The following SHISA9 variants were observed in gnomAD, a reference collection of about 807,000 sequenced individuals.
SHISA9 encodes the protein shisa family member 9, also known as protein shisa-9.
Under a neutral mutation model 38.0 loss-of-function variants are expected in SHISA9, and 13 were observed. The ratio of observed to expected loss-of-function variants is 0.34; its 90% CI spans 0.22 to 0.54. The LOEUF (loss-of-function observed/expected upper bound fraction) is 0.54. Among genes scored for constraint, SHISA9 ranks in the 20% least tolerant of loss-of-function variants. The pLI is 0.91. For synonymous variants in SHISA9, 275 were observed against 242.0 expected (o/e 1.14, Z -1.27); for missense variants, 538 against 575.8 (o/e 0.93, Z 0.67).
At chr16:13,058,218 T>C (rs1395246075) in intron 2 of SHISA9, among the ~76,000 whole-genome samples, 1 of 152,176 alleles carries the variant, frequency 6.6e-6, no homozygotes, top group African/African-American at 2.4e-5. Context: ...GGCTTGCTTA[T>C]TGCCTGGTCA....
intron 2 of SHISA9, among the ~76,000 whole-genome samples, chr16:13,113,786 C>G (rs2074002842): frequency 6.6e-6 from 1 of 152,234 alleles, no homozygotes; most frequent in African/African-American, 2.4e-5. Context: ...ACAATAGAAA[C>G]TAGAAAAAGG....
intron 4 of SHISA9, among the ~76,000 whole-genome samples, chr16:13,233,874 A>G (rs2051355677): frequency 6.6e-6 from 1 of 152,206 alleles, no homozygotes; most frequent in African/African-American, 2.4e-5. Flanking sequence ...AAATTAGCCT[A>G]GTGTGGTGAT....
At chr16:13,406,376 C>G in the SHISA9 span, among the ~76,000 whole-genome samples, 2 of 152,240 alleles carry the variant, frequency 1.3e-5, no homozygotes, top group South Asian at 4.1e-4. Context: ...TGGTTCTGAA[C>G]CCAGGTTCAT....
At chr16:13,020,683 G>T (rs2072841489) in intron 2 of SHISA9, among the ~76,000 whole-genome samples, 2 of 152,164 alleles carry the variant, frequency 1.3e-5, no homozygotes, top group South Asian at 4.1e-4. Flanking sequence ...AAGATGTATT[G>T]AGAAGGACCT....
At chr16:13,397,797 C>G in the SHISA9 span, among the ~76,000 whole-genome samples, 10 of 152,174 alleles carry the variant, frequency 6.6e-5, no homozygotes, top group African/African-American at 2.4e-4. Context: ...AATTAGACCC[C>G]TGCTTTATCA....
At chr16:13,078,965 A>G (rs573645232) in intron 2 of SHISA9, among the ~76,000 whole-genome samples, 104 of 152,236 alleles carry the variant, frequency 6.8e-4, no homozygotes, top group Middle Eastern at 3.4e-3. Flanking sequence ...AACAGAATAG[A>G]TAAGAGCTGG....
At chr16:12,990,868 G>C (rs1051192586) in intron 2 of SHISA9, among the ~76,000 whole-genome samples, 2 of 152,160 alleles carry the variant, frequency 1.3e-5, no homozygotes, top group Non-Finnish European at 2.9e-5. Context: ...TTCACCCATA[G>C]CTTTTCTATG....
At chr16:13,265,726 C>A in the SHISA9 span, among the ~76,000 whole-genome samples, 1 of 151,822 alleles carries the variant, frequency 6.6e-6, no homozygotes, top group Non-Finnish European at 1.5e-5. Context: ...GATAATGAAA[C>A]CAATGAGACA....
At chr16:13,108,230 G>T (rs565807608) in intron 2 of SHISA9, among the ~76,000 whole-genome samples, 1 of 151,954 alleles carries the variant, frequency 6.6e-6, no homozygotes, top group South Asian at 2.1e-4. Context: ...CAGGACTCAA[G>T]TGATCCTCCT....
chr16:13,152,777 A>C (rs572417104), intron 2 of SHISA9, among the ~76,000 whole-genome samples: 2 of 152,344 alleles, frequency 1.3e-5, no homozygotes, highest in East Asian at 3.9e-4. Context: ...TGGTAGACAG[A>C]ATAATGGGCC....
the SHISA9 span, among the ~76,000 whole-genome samples, chr16:13,357,506 G>C: frequency 6.6e-6 from 1 of 152,292 alleles, no homozygotes; most frequent in South Asian, 2.1e-4. Flanking sequence ...TTGTCACGGA[G>C]CAAAGAGCAG....
chr16:12,982,112 G>A (rs1230086339), intron 2 of SHISA9, among the ~76,000 whole-genome samples: 1 of 152,170 alleles, frequency 6.6e-6, no homozygotes, highest in East Asian at 1.9e-4. Flanking sequence ...GAAACACTGA[G>A]GTACAGAGAG....
chr16:13,261,262 G>A, the SHISA9 span, among the ~76,000 whole-genome samples: 85,775 of 151,926 alleles, frequency 0.56, 24,815 homozygotes, highest in African/African-American at 0.67. Context: ...AGGAGTCCAT[G>A]GGAGAAGACT....
At chr16:13,561,708 G>C in the SHISA9 span, among the ~76,000 whole-genome samples, 2 of 152,212 alleles carry the variant, frequency 1.3e-5, no homozygotes, top group Admixed American at 6.5e-5. Context: ...GTAGTGACCT[G>C]TGTGGCCCTA....
At chr16:13,054,962 C>T (rs2073293503) in intron 2 of SHISA9, among the ~76,000 whole-genome samples, 1 of 152,198 alleles carries the variant, frequency 6.6e-6, no homozygotes, top group Non-Finnish European at 1.5e-5. Flanking sequence ...TTATATGGCT[C>T]TTTCTTAGGG....
chr16:13,135,836 G>A (rs1027610701), intron 2 of SHISA9, among the ~76,000 whole-genome samples: 2 of 152,136 alleles, frequency 1.3e-5, no homozygotes, highest in African/African-American at 4.8e-5. Context: ...TATTCTTTGA[G>A]GTTTCATCTG....
At chr16:13,017,826 C>G (rs2072776089) in intron 2 of SHISA9, among the ~76,000 whole-genome samples, 1 of 152,190 alleles carries the variant, frequency 6.6e-6, no homozygotes, top group Non-Finnish European at 1.5e-5. Flanking sequence ...AACTGGTGAT[C>G]TACTCAAGTC....
intron 2 of SHISA9, among the ~76,000 whole-genome samples, chr16:12,993,254 T>C (rs2072412222): frequency 6.6e-6 from 1 of 152,186 alleles, no homozygotes; most frequent in South Asian, 2.1e-4. Context: ...TGGGTTTGGT[T>C]GTAAAGAACA....
the SHISA9 span, among the ~76,000 whole-genome samples, chr16:13,558,406 C>T: frequency 6.6e-6 from 1 of 152,184 alleles, no homozygotes; most frequent in Admixed American, 6.5e-5. Flanking sequence ...TCAGTAAAGT[C>T]ACCACCAACT....
Sources: gnomAD v4.1 joint callset for allele counts (sites outside exome capture counted in the v4.1 genomes callset) on GRCh38, gnomAD v4.1.1 for gene constraint, MANE v1.5 for transcripts, NCBI Gene and HGNC (gene_info 2026-07-23, HGNC 2026-07-21) for gene names.